Variants in ARHGAP32 observed in about 807,000 individuals in gnomAD.
The protein encoded by ARHGAP32 is rho GTPase-activating protein 32.
A neutral mutation model predicts 186.5 loss-of-function variants in ARHGAP32; 51 were observed. That is an observed-to-expected ratio of 0.27 (90% CI 0.22 to 0.35). The LOEUF is 0.35. ARHGAP32 is among the 10% of genes least tolerant of loss of function. ARHGAP32 has a pLI of 1.00. For missense variants in ARHGAP32, 2,186 were observed against 2,623.5 expected (o/e 0.83, Z 3.64); for synonymous variants, 950 against 964.3 (o/e 0.99, Z 0.27).
At chr11:129,203,094 C>T (rs1944474594) in intron 1 of ARHGAP32, 1 of 152,174 alleles carries the variant, frequency 6.6e-6, no homozygotes, top group Non-Finnish European at 1.5e-5. Context: ...TAGCTATGGG[C>T]ACACGGAACA....
chr11:129,086,737 C>T (rs565774242), intron 6 of ARHGAP32, among the ~76,000 whole-genome samples: 9 of 149,398 alleles, frequency 6.0e-5, no homozygotes, highest in South Asian at 4.3e-4. Flanking sequence ...AGGAGAATGG[C>T]GTGAACCCGG....
intron 11 of ARHGAP32, among the ~76,000 whole-genome samples, chr11:129,011,320 G>A (rs1433133275): frequency 6.6e-6 from 1 of 152,180 alleles, no homozygotes; most frequent in Non-Finnish European, 1.5e-5. Context: ...TTCCGAATCA[G>A]GGCATTTAGC....
chr11:129,099,739 T>C (rs2135294274), intron 5 of ARHGAP32, among the ~76,000 whole-genome samples: 1 of 150,896 alleles, frequency 6.6e-6, no homozygotes, highest in Admixed American at 6.6e-5. Flanking sequence ...ACAAAGAAGA[T>C]ACAATTATAA....
At chr11:129,185,023 C>G (rs1367126532) in intron 1 of ARHGAP32, among the ~76,000 whole-genome samples, 1 of 152,168 alleles carries the variant, frequency 6.6e-6, no homozygotes, top group Non-Finnish European at 1.5e-5. Context: ...ACTAGTTCAA[C>G]CACTGTGGAA....
intron 11 of ARHGAP32, among the ~76,000 whole-genome samples, chr11:129,020,205 C>T (rs1300317812): frequency 6.6e-6 from 1 of 151,932 alleles, no homozygotes; most frequent in Non-Finnish European, 1.5e-5. Context: ...AAATTAGGTT[C>T]TCTAAATCAT....
chr11:129,195,116 G>A (rs1944375964), upstream of ARHGAP32, among the ~76,000 whole-genome samples: 1 of 151,918 alleles, frequency 6.6e-6, no homozygotes, highest in South Asian at 2.1e-4. Context: ...TTATAAGTGT[G>A]TGCCACGACA....
At chr11:129,025,712 G>GAA (rs944529132) in intron 11 of ARHGAP32, among the ~76,000 whole-genome samples, 2 of 151,672 alleles carry the variant, frequency 1.3e-5, no homozygotes, top group Admixed American at 6.6e-5. Context: ...TGAGAAAAAA[G>GAA]AAAGTACATA....
intron 6 of ARHGAP32, among the ~76,000 whole-genome samples, chr11:129,071,647 T>C (rs1229527198): frequency 2.6e-5 from 4 of 152,132 alleles, no homozygotes; most frequent in Non-Finnish European, 5.9e-5. Context: ...TTTGGAAAAC[T>C]ATATGGAGGT....
At chr11:128,997,483 T>C (rs1462115050) in intron 12 of ARHGAP32, among the ~76,000 whole-genome samples, 2 of 152,218 alleles carry the variant, frequency 1.3e-5, no homozygotes, top group Admixed American at 6.5e-5. Flanking sequence ...GTATTTCCCA[T>C]ACTAATTTGG....
chr11:129,147,891 C>T (rs1197681872), intron 2 of ARHGAP32, among the ~76,000 whole-genome samples: 5 of 152,144 alleles, frequency 3.3e-5, no homozygotes, highest in Non-Finnish European at 5.9e-5. Context: ...CCCTACCCTT[C>T]CTCAAAGAGC....
At chr11:129,182,736 T>C (rs1330967296) in intron 1 of ARHGAP32, among the ~76,000 whole-genome samples, 2 of 151,850 alleles carry the variant, frequency 1.3e-5, no homozygotes, top group Non-Finnish European at 2.9e-5. Context: ...CTCAAACTCC[T>C]GGGCTCAAGA....
chr11:129,198,794 T>C (rs940491401), intron 1 of ARHGAP32, among the ~76,000 whole-genome samples: 1 of 152,156 alleles, frequency 6.6e-6, no homozygotes, highest in Non-Finnish European at 1.5e-5. Context: ...TGGAAGCAAC[T>C]TTGGAACTGG....
At chr11:129,031,429 G>T (rs1414913249) in intron 11 of ARHGAP32, among the ~76,000 whole-genome samples, 1 of 152,144 alleles carries the variant, frequency 6.6e-6, no homozygotes, top group African/African-American at 2.4e-5. Context: ...TTGAACCCAA[G>T]GTTGCCTGAG....
At chr11:129,021,404 G>GT (rs1054983621) in intron 11 of ARHGAP32, among the ~76,000 whole-genome samples, 3 of 151,988 alleles carry the variant, frequency 2.0e-5, no homozygotes, top group Non-Finnish European at 4.4e-5. Context: ...GAATAAAACT[G>GT]TATCTCTTCT....
In ARHGAP32 at chr11:129,026,544, C is replaced by T. The variant is rs183875987; in HGVS notation, c.1045+14384G>A. ...GGCACAGTGGCTCACATTTGTAATC[C>T]CAGCACTTTGGGAGGCCGAGGCAGG... On this transcript the variant is annotated intron_variant, in intron 11 of 22. Transcript: ENST00000682385. Among the ~76,000 whole-genome samples, 134 of 152,196 alleles carry T rather than the reference C, an allele frequency of 8.8e-4. 1 individual carries two copies. Among genetic ancestry groups the T allele is most frequent in the African/African-American group, 3.1e-3 (130 of 41,514 alleles).
At position 128,970,505 on chromosome 11, in the gene ARHGAP32, C is replaced by T. The variant is rs762288827; in HGVS notation, c.4708G>A (p.Glu1570Lys). ...GHHSKPCSRV[E>K]YVSSLSSSVR... ...GAGGAGCTCAAAGAAGACACATACT[C>T]GACCCGGCTGCATGGCTTGGAGTGG... The change falls in exon 23 of 23, where the codon GAG becomes AAG. Residue 1570 changes from glutamate (E) to lysine (K), a missense_variant. Physicochemically the swap from Glu to Lys is moderately conservative, Grantham distance 56. Around this residue, in one of 5 missense-constraint regions of ARHGAP32, gnomAD observed 1,502 missense variants for 1,570.0 expected, o/e 0.96. Transcript: ENST00000682385. This position sits in a 1 kb window ranked among gnomAD's most constrained non-coding sequence, Gnocchi z 5.8. 3.7e-6 allele frequency: 6 copies of T among 1,613,980 alleles called. No individual in the cohort carries two copies. Among genetic ancestry groups the T allele is most frequent in the East Asian group, 2.2e-5 (1 of 44,882 alleles).
At chr11:129,014,014 A>G (rs1048701655) in intron 11 of ARHGAP32, among the ~76,000 whole-genome samples, 1 of 152,228 alleles carries the variant, frequency 6.6e-6, no homozygotes, top group Non-Finnish European at 1.5e-5. Context: ...AATGATACCA[A>G]TGGTATTTCC....
intron 1 of ARHGAP32, among the ~76,000 whole-genome samples, chr11:129,177,501 C>G (rs970650342): frequency 6.6e-6 from 1 of 152,164 alleles, no homozygotes; most frequent in Non-Finnish European, 1.5e-5. Flanking sequence ...GAATTTTAGA[C>G]CAATATCCTT....
intron 1 of ARHGAP32, among the ~76,000 whole-genome samples, chr11:129,265,336 G>A (rs1294447139): frequency 6.6e-6 from 1 of 152,162 alleles, no homozygotes; most frequent in Admixed American, 6.5e-5. Context: ...TGACATTCTT[G>A]ACCAGATGGT....
Sources: allele counts gnomAD v4.1 joint callset (sites outside exome capture counted in the v4.1 genomes callset), GRCh38; gene constraint gnomAD v4.1.1; regional missense constraint gnomAD v4.1.1; non-coding constraint Gnocchi (gnomAD v3.1); transcripts MANE v1.5; gene names NCBI Gene and HGNC (gene_info 2026-07-23, HGNC 2026-07-21).